The following MYO18B variants were observed in gnomAD, a reference collection of about 807,000 sequenced individuals.
MYO18B encodes the protein unconventional myosin-XVIIIb.
In MYO18B, 204 loss-of-function variants were observed where a neutral mutation model predicts 273.0. The observed-to-expected ratio is 0.75, with a 90% CI of 0.67 to 0.84. The LOEUF is 0.84. MYO18B is among the 40% of genes least tolerant of loss of function. The pLI, the probability that MYO18B is intolerant of heterozygous loss-of-function variation, is 0.00. For missense variants in MYO18B, 3,212 were observed against 3,287.6 expected, an observed-to-expected ratio of 0.98 and a Z score of 0.56; for synonymous variants, 1,330 against 1,305.7, an observed-to-expected ratio of 1.02 and a Z score of -0.40.
chr22:26,048,718 C>A, the MYO18B span, among the ~76,000 whole-genome samples: 1 of 152,030 alleles, frequency 6.6e-6, no homozygotes, highest in African/African-American at 2.4e-5. Flanking sequence ...CAAAACAAAA[C>A]GTGTTGGCTA....
intron 42 of MYO18B, 92 bp from the exon 43 acceptor site, chr22:26,026,353 A>G: frequency 7.2e-7 from 1 of 1,396,862 alleles, no homozygotes; most frequent in Non-Finnish European, 9.7e-7. Context: ...GAAAAATAAT[A>G]TTAGTGCCTG....
chr22:25,742,639 G>A (rs2085660867), intron 1 of MYO18B, among the ~76,000 whole-genome samples: 1 of 152,166 alleles, frequency 6.6e-6, no homozygotes, highest in African/African-American at 2.4e-5. Context: ...GCCCGCAGAC[G>A]TCAGGGTTTA....
chr22:25,891,459 G>T, intron 27 of MYO18B, 47 bp downstream of exon 27: 1 of 1,283,734 alleles, frequency 7.8e-7, no homozygotes, highest in Non-Finnish European at 1.1e-6. Context: ...GGACAAAGTT[G>T]TCTTTCCCAT....
In MYO18B at chr22:25,874,268, A is replaced by T. The variant is rs2091130495; in HGVS notation, c.3952-18A>T. On this transcript the variant is annotated intron_variant, in intron 22 of 43. Coordinates refer to ENST00000335473, the MANE Select transcript of MYO18B (RefSeq NM_032608.7). ...CTTCTTCAGCAGAGGACTCACCTGAAACCTTCCCTCTCCCCAGGTTTTTCT... is the reference window on the plus strand; with the variant it reads ...CTTCTTCAGCAGAGGACTCACCTGATACCTTCCCTCTCCCCAGGTTTTTCT... 1 of 1,613,468 alleles carries T rather than the reference A, an allele frequency of 6.2e-7. No homozygotes were observed. The highest frequency in any genetic ancestry group is 8.5e-7 in the Non-Finnish European group (1 of 1,179,750).
intron 12 of MYO18B, among the ~76,000 whole-genome samples, chr22:25,810,098 CTT>C (rs566532119): frequency 1.3e-4 from 17 of 132,386 alleles, no homozygotes; most frequent in Non-Finnish European, 1.9e-4. Flanking sequence ...TTCCTTCAGG[CTT>C]TTTTTTTTTT....
At chr22:25,781,206 G>T (rs1026823891) in intron 9 of MYO18B, among the ~76,000 whole-genome samples, 13 of 152,196 alleles carry the variant, frequency 8.5e-5, no homozygotes, top group Non-Finnish European at 1.8e-4. Context: ...TGAATCTATT[G>T]CATTAGTTAA....
At chr22:25,834,463 C>T (rs2089827093) in intron 16 of MYO18B, among the ~76,000 whole-genome samples, 2 of 152,192 alleles carry the variant, frequency 1.3e-5, no homozygotes, top group South Asian at 4.1e-4. Context: ...GCCCCTTCCC[C>T]TCTCCAGGCC....
chr22:25,925,973 AG>A (rs2092415298), intron 34 of MYO18B, among the ~76,000 whole-genome samples: 1 of 148,958 alleles, frequency 6.7e-6, no homozygotes, highest in African/African-American at 2.5e-5. Context: ...TGGGAGGCCG[AG>A]GAGGGTGGAT....
chr22:25,986,402 C>T (rs746218645), intron 39 of MYO18B, among the ~76,000 whole-genome samples: 1 of 152,008 alleles, frequency 6.6e-6, no homozygotes, highest in South Asian at 2.1e-4. Flanking sequence ...TAAAAATTGC[C>T]TGATATCTTA....
rs373181226 is a variant in MYO18B at position 25,769,257 on chromosome 22, G to T, written c.1341G>T (p.Glu447Asp). 5.6e-6 allele frequency: 9 copies of T among 1,593,884 alleles called. No homozygotes were observed. In the South Asian group the frequency reaches 8.0e-5, roughly 14 times the overall value. ...GAAGCCGTGGGCAGGAAGCAGAGGA[G>T]CCCTGCTCAAGAGCAGGTGATGGGG... is the stretch of plus-strand genomic sequence containing the variant. ...WPGSRGQEAE[E>D]PCSRAGDGAG... The change falls in exon 4 of 44, where the codon GAG becomes GAT. Residue 447 changes from glutamate (E) to aspartate (D), a missense_variant. Physicochemically the swap from Glu to Asp is conservative, Grantham distance 45. Transcript: ENST00000335473.
intron 4 of MYO18B, chr22:25,769,878 C>T (rs1347707529): frequency 5.2e-5 from 25 of 482,542 alleles, no homozygotes; most frequent in African/African-American, 3.2e-4. Flanking sequence ...TTTTTTGAGA[C>T]GGAGTCTTGC....
chr22:26,022,921 C>T (rs1601854999), intron 42 of MYO18B, among the ~76,000 whole-genome samples: 1 of 152,238 alleles, frequency 6.6e-6, no homozygotes, highest in Non-Finnish European at 1.5e-5. Context: ...AAACCTATGG[C>T]CTCTGTACCT....
intron 21 of MYO18B, among the ~76,000 whole-genome samples, chr22:25,867,791 G>T (rs144134055): frequency 6.6e-6 from 1 of 151,986 alleles, no homozygotes; most frequent in African/African-American, 2.4e-5. Flanking sequence ...CACCATGCCC[G>T]ACTATAATTT....
chr22:25,945,019 G>A (rs1485610868), intron 34 of MYO18B, among the ~76,000 whole-genome samples: 1 of 152,152 alleles, frequency 6.6e-6, no homozygotes, highest in African/African-American at 2.4e-5. Context: ...TGCTAGGATA[G>A]GAGGCCTACT....
intron 29 of MYO18B, chr22:25,901,169 G>A (rs897112013): frequency 6.6e-6 from 1 of 152,104 alleles, no homozygotes; most frequent in African/African-American, 2.4e-5. Flanking sequence ...CATTATGATT[G>A]GGTCTCTCAG....
intron 17 of MYO18B, among the ~76,000 whole-genome samples, chr22:25,839,004 A>T (rs1031617024): frequency 2.6e-5 from 4 of 151,124 alleles, no homozygotes; most frequent in African/African-American, 9.8e-5. Context: ...GCCTGTGTGT[A>T]TATGTGTGTG....
the MYO18B span, among the ~76,000 whole-genome samples, chr22:26,057,588 A>G: frequency 1.3e-5 from 2 of 150,398 alleles, no homozygotes; most frequent in African/African-American, 2.5e-5. Flanking sequence ...ATTCTTAACC[A>G]TGCTACAGTT....
intron 39 of MYO18B, among the ~76,000 whole-genome samples, chr22:25,984,360 TTAGCTTCAGCTTCACTCGGATCCACACAA>T (rs1165900646): frequency 6.6e-6 from 1 of 151,330 alleles, no homozygotes; most frequent in Admixed American, 6.6e-5. Context: ...GGAAGTGTGA[TTAGCTTCAGCTTCACTCGGATCCACACAA>T]TACTCACCAA....
At chr22:26,000,500 T>C (rs1251031709) in intron 40 of MYO18B, among the ~76,000 whole-genome samples, 1 of 151,994 alleles carries the variant, frequency 6.6e-6, no homozygotes, top group Non-Finnish European at 1.5e-5. Context: ...GCAGTCTATA[T>C]GGTAGTGAGT....
Sources: gnomAD v4.1 joint callset for allele counts (sites outside exome capture counted in the v4.1 genomes callset) on GRCh38, gnomAD v4.1.1 for gene constraint, MANE v1.5 for transcripts, NCBI Gene and HGNC (gene_info 2026-07-23, HGNC 2026-07-21) for gene names.